NRXN1: variants seen among roughly 807,000 people sequenced by gnomAD.
NRXN1 encodes the protein neurexin 1.
In NRXN1, 39 loss-of-function variants were observed where a neutral mutation model predicts 150.9. That is an observed-to-expected ratio of 0.26 (90% CI 0.20 to 0.34). The LOEUF is 0.34. Ranked by LOEUF, NRXN1 falls within the 10% of genes least tolerant of loss-of-function variation. NRXN1 has a pLI of 1.00. For synonymous variants in NRXN1, 924 were observed against 757.0 expected (o/e 1.22, Z -3.62); for missense variants, 1,815 against 1,949.9 (o/e 0.93, Z 1.30).
chr2:50,184,777 T>A (rs1350336884), intron 18 of NRXN1, among the ~76,000 whole-genome samples: 1 of 152,026 alleles, frequency 6.6e-6, no homozygotes, highest in African/African-American at 2.4e-5. Context: ...TTGATAATTG[T>A]AGAAATATTT....
chr2:50,803,225 T>C (rs1247447937), intron 5 of NRXN1, among the ~76,000 whole-genome samples: 1 of 152,206 alleles, frequency 6.6e-6, no homozygotes, highest in Non-Finnish European at 1.5e-5. Flanking sequence ...TACTAATAAA[T>C]GTTTCAATTA....
At chr2:51,022,586 A>C (rs2105290856) in intron 2 of NRXN1, among the ~76,000 whole-genome samples, 1 of 152,270 alleles carries the variant, frequency 6.6e-6, no homozygotes, top group African/African-American at 2.4e-5. Flanking sequence ...TGCTTCCTCT[A>C]GATCAAAACT....
intron 1 of NRXN1, among the ~76,000 whole-genome samples, chr2:51,030,918 A>G (rs886242251): frequency 6.6e-6 from 1 of 151,856 alleles, no homozygotes; most frequent in Non-Finnish European, 1.5e-5. Flanking sequence ...GTTGGAGCCA[A>G]TTATTGTATT....
intron 18 of NRXN1, among the ~76,000 whole-genome samples, chr2:50,157,103 G>C (rs560080120): frequency 6.6e-6 from 1 of 151,976 alleles, no homozygotes; most frequent in East Asian, 1.9e-4. Context: ...AGGCATTAAA[G>C]CCTATGTGCT....
At position 50,465,455 on chromosome 2, in the gene NRXN1, T is replaced by G; in HGVS notation, c.3351A>C (p.Pro1117=). The change falls in exon 17 of 23, where the codon CCA becomes CCC. Residue 1117 remains proline, a synonymous_variant. Coordinates refer to ENST00000401669, the MANE Select transcript of NRXN1 (RefSeq NM_001330078.2). The part of the protein sequence containing the change: ...CDCSMTSFSG[P]LCNDPGTTYI... The stretch of plus-strand genomic sequence containing the variant: ...AGAGGTACTTACGGTCATTGCAGAG[T>G]GGTCCACTGAAGGAAGTCATACTAC... The G allele has an allele frequency of 6.2e-7, 1 of 1,609,068 alleles. No homozygotes were observed. The highest frequency in any genetic ancestry group is 8.5e-7 in the Non-Finnish European group (1 of 1,177,304).
At chr2:50,778,343 G>C (rs185788564) in intron 5 of NRXN1, among the ~76,000 whole-genome samples, 88 of 152,286 alleles carry the variant, frequency 5.8e-4, no homozygotes, top group African/African-American at 1.7e-3. Context: ...TCATATGACA[G>C]ACATTCAAAT....
At chr2:50,211,307 T>C (rs1289200463) in intron 18 of NRXN1, among the ~76,000 whole-genome samples, 1 of 151,712 alleles carries the variant, frequency 6.6e-6, no homozygotes, top group Non-Finnish European at 1.5e-5. Context: ...GTTATATTTA[T>C]ATCATTTTGA....
chr2:51,020,413 T>C (rs147302433), intron 2 of NRXN1, among the ~76,000 whole-genome samples: 2 of 151,966 alleles, frequency 1.3e-5, no homozygotes, highest in Non-Finnish European at 2.9e-5. Context: ...AGCATAATAA[T>C]AAGAGAACTC....
At chr2:50,181,478 T>C (rs968876865) in intron 18 of NRXN1, among the ~76,000 whole-genome samples, 3 of 152,114 alleles carry the variant, frequency 2.0e-5, no homozygotes, top group African/African-American at 7.2e-5. Flanking sequence ...TGATCTTCAG[T>C]CTGCTTTGTA....
chr2:50,281,009 A>C (rs2071361251), intron 17 of NRXN1, among the ~76,000 whole-genome samples: 1 of 152,042 alleles, frequency 6.6e-6, no homozygotes, highest in South Asian at 2.1e-4. Context: ...TTTTTTATTA[A>C]AAAATCCATA....
intron 17 of NRXN1, among the ~76,000 whole-genome samples, chr2:50,244,356 C>T (rs1199332729): frequency 1.3e-5 from 2 of 151,776 alleles, no homozygotes; most frequent in African/African-American, 2.4e-5. Context: ...CAAATATGCA[C>T]CATTCATATA....
chr2:50,156,099 C>CT (rs1558991664), intron 18 of NRXN1, among the ~76,000 whole-genome samples: 1 of 151,550 alleles, frequency 6.6e-6, no homozygotes, highest in East Asian at 1.9e-4. Flanking sequence ...CTTTGCTTCT[C>CT]TTTGTATTCT....
intron 5 of NRXN1, among the ~76,000 whole-genome samples, chr2:50,690,240 T>A (rs1225959934): frequency 1.3e-5 from 2 of 152,160 alleles, no homozygotes; most frequent in African/African-American, 2.4e-5. Flanking sequence ...ACCTGTAAAA[T>A]TTGCTGGTAG....
intron 5 of NRXN1, among the ~76,000 whole-genome samples, chr2:50,775,744 GA>G (rs1703540283): frequency 6.6e-6 from 1 of 152,098 alleles, no homozygotes. Flanking sequence ...TTCATCCACA[GA>G]AAGACCTTTG....
At chr2:50,431,071 T>A (rs985929445) in intron 17 of NRXN1, among the ~76,000 whole-genome samples, 6 of 152,210 alleles carry the variant, frequency 3.9e-5, no homozygotes, top group African/African-American at 1.2e-4. Flanking sequence ...CCATGCTTTT[T>A]AAAATCTCAT....
chr2:50,241,521 T>C (rs1300226072), intron 17 of NRXN1, among the ~76,000 whole-genome samples: 1 of 151,816 alleles, frequency 6.6e-6, no homozygotes, highest in Non-Finnish European at 1.5e-5. Context: ...AATGTATGAA[T>C]GACTGAAATT....
intron 17 of NRXN1, among the ~76,000 whole-genome samples, chr2:50,412,885 G>A (rs1206086643): frequency 6.6e-6 from 1 of 152,190 alleles, no homozygotes; most frequent in Admixed American, 6.5e-5. Flanking sequence ...TCCATATGCA[G>A]AAGAACGAAG....
chr2:50,411,993 G>A (rs1238521236), intron 17 of NRXN1, among the ~76,000 whole-genome samples: 6 of 152,222 alleles, frequency 3.9e-5, no homozygotes, highest in Non-Finnish European at 8.8e-5. Flanking sequence ...GCCTTGGGAT[G>A]CTGTTGATCT....
intron 21 of NRXN1, among the ~76,000 whole-genome samples, chr2:49,963,968 G>C (rs1429765439): frequency 1.3e-5 from 2 of 152,122 alleles, no homozygotes; most frequent in African/African-American, 2.4e-5. Flanking sequence ...ATAACGAAAA[G>C]AGCTGGCTGA....
Sources: gnomAD v4.1 joint callset for allele counts (sites outside exome capture counted in the v4.1 genomes callset) on GRCh38, gnomAD v4.1.1 for gene constraint, MANE v1.5 for transcripts, NCBI Gene and HGNC (gene_info 2026-07-23, HGNC 2026-07-21) for gene names.